Variants in TRIO observed in about 807,000 individuals in gnomAD.
TRIO encodes triple functional domain protein.
TRIO carries 58 observed loss-of-function variants against 351.9 expected under a neutral mutation model. That is an observed-to-expected ratio of 0.16 (90% CI 0.13 to 0.21). The LOEUF (loss-of-function observed/expected upper bound fraction) is 0.21, where lower values mean the gene tolerates loss of function less well. Ranked by LOEUF, TRIO falls within the 10% of genes least tolerant of loss-of-function variation. The probability of loss-of-function intolerance (pLI) is 1.00; values close to 1 mark genes in which losing one functional copy is unlikely to be tolerated. For synonymous variants in TRIO, 1,758 were observed against 1,595.7 expected, an observed-to-expected ratio of 1.10 and a Z score of -2.42; for missense variants, 3,201 against 4,027.8, an observed-to-expected ratio of 0.79 and a Z score of 5.56.
At chr5:14,167,382 T>G (rs1788831648) in intron 1 of TRIO, among the ~76,000 whole-genome samples, 1 of 151,932 alleles carries the variant, frequency 6.6e-6, no homozygotes, top group African/African-American at 2.4e-5. Flanking sequence ...CTCCCCAGCG[T>G]CAAAACTTTA....
intron 1 of TRIO, among the ~76,000 whole-genome samples, chr5:14,201,029 A>G (rs1272376119): frequency 6.6e-6 from 1 of 152,188 alleles, no homozygotes; most frequent in Non-Finnish European, 1.5e-5. Flanking sequence ...AGGCTGAGAC[A>G]GGCAGTTCAC....
chr5:14,489,196 C>G, intron 48 of TRIO: 1 of 583,804 alleles, frequency 1.7e-6, no homozygotes, highest in Non-Finnish European at 3.0e-6. Context: ...GCATGTCTTT[C>G]TCTTTCCTCT....
intron 1 of TRIO, among the ~76,000 whole-genome samples, chr5:14,196,211 C>T (rs1202756728): frequency 6.6e-6 from 1 of 152,030 alleles, no homozygotes; most frequent in Non-Finnish European, 1.5e-5. Flanking sequence ...CACCTGAGAT[C>T]AGGAGTGTGA....
At chr5:14,504,061 G>A (rs907296822) in intron 54 of TRIO, among the ~76,000 whole-genome samples, 3 of 152,350 alleles carry the variant, frequency 2.0e-5, no homozygotes, top group South Asian at 4.1e-4. Context: ...TCTGCTCGTC[G>A]TGGGAAGCAG....
At chr5:14,218,202 C>T (rs1337958421) in intron 1 of TRIO, among the ~76,000 whole-genome samples, 1 of 152,170 alleles carries the variant, frequency 6.6e-6, no homozygotes. Flanking sequence ...AGTTAAGTGG[C>T]ACAGACCTGC....
Position 14,419,774 on chromosome 5 carries a change from C to G in TRIO, c.4960-4C>G, listed in dbSNP as rs759509728. On this transcript the variant is annotated splice_region_variant and splice_polypyrimidine_tract_variant and intron_variant, in intron 33 of 56. Transcript: ENST00000344204. ...CCTGTCCTCTCTTCCTCTGTTCCCC[C>G]CAGCTCTCTGGTGGCTGTGAGCTGA... 3.7e-6 allele frequency: 6 copies of G among 1,614,104 alleles called. No homozygotes were observed. The Admixed American group carries it at 8.3e-5, about 22-fold the overall frequency.
Position 14,452,897 on chromosome 5 carries a change from AC to A in TRIO, c.5204-8121del, listed in dbSNP as rs112425705. On this transcript the variant is annotated intron_variant, in intron 34 of 56. Coordinates refer to ENST00000344204, the MANE Select transcript of TRIO (RefSeq NM_007118.4). ...CCTTTCCCTCCTTTTTTTAAAAAAA[AC>A]TTTTTTTTTAAGGTTTTTATTAATC... Among the ~76,000 whole-genome samples the A allele has an allele frequency of 7.4e-4, 112 of 152,010 alleles. 2 individuals are homozygous for A. Among genetic ancestry groups the A allele is most frequent in the African/African-American group, 2.6e-3 (107 of 41,462 alleles).
At position 14,487,756 on chromosome 5, in the gene TRIO, G is replaced by A; in HGVS notation, c.7128G>A (p.Leu2376=). The A allele has an allele frequency of 7.2e-7, 1 of 1,387,380 alleles. No individual in the cohort carries two copies. The allele number at this position is 1,387,380 out of a possible 1,614,324, so 85.9% of individuals were successfully genotyped here. The change falls in exon 48 of 57, where the codon CTG becomes CTA. Residue 2376 remains leucine (L), a synonymous_variant. Transcript: ENST00000344204. ...MSGTSTPGPS[L]PPPGAAPEAG... ...GTACGTCCACCCCCGGGCCCTCCCT[G>A]CCTCCCCCTGGCGCGGCCCCCGAGG...
At chr5:14,153,573 A>G (rs967732273) in intron 1 of TRIO, among the ~76,000 whole-genome samples, 1 of 152,146 alleles carries the variant, frequency 6.6e-6, no homozygotes, top group African/African-American at 2.4e-5. Context: ...AGTGTTTTAT[A>G]TACTTTTCCT....
At chr5:14,492,166 C>A (rs1756534836) in intron 48 of TRIO, among the ~76,000 whole-genome samples, 1 of 152,126 alleles carries the variant, frequency 6.6e-6, no homozygotes, top group African/African-American at 2.4e-5. Context: ...TCAATTAATT[C>A]TAATACCTTT....
chr5:14,425,430 C>T (rs1239385699), intron 34 of TRIO, among the ~76,000 whole-genome samples: 1 of 152,210 alleles, frequency 6.6e-6, no homozygotes, highest in Non-Finnish European at 1.5e-5. Flanking sequence ...TATGCAGATG[C>T]CACATTGAGT....
intron 1 of TRIO, chr5:14,184,040 G>A: frequency 1.4e-6 from 1 of 690,038 alleles, no homozygotes. Context: ...TCTCTAGGAG[G>A]ACTGTTGATG....
intron 34 of TRIO, among the ~76,000 whole-genome samples, chr5:14,421,401 C>T (rs560611687): frequency 2.6e-5 from 4 of 151,514 alleles, no homozygotes; most frequent in East Asian, 3.9e-4. Context: ...GTCAAAAGTT[C>T]GGACCAGCCT....
At chr5:14,501,237 C>T (rs902420652) in intron 53 of TRIO, among the ~76,000 whole-genome samples, 1 of 152,194 alleles carries the variant, frequency 6.6e-6, no homozygotes, top group East Asian at 1.9e-4. Context: ...AGTACTCCTT[C>T]ACCTGCAAGG....
intron 11 of TRIO, among the ~76,000 whole-genome samples, chr5:14,353,270 C>CTTTT (rs35179690): frequency 4.3e-5 from 5 of 117,318 alleles, no homozygotes; most frequent in African/African-American, 3.5e-5. Context: ...TTCTAAGCAA[C>CTTTT]TTTTTTTTTT....
rs150318091 is a variant in TRIO at position 14,266,262 on chromosome 5, A to G, written c.158-4563A>G. Among the ~76,000 whole-genome samples the G allele has an allele frequency of 6.1e-3, 923 of 152,194 alleles. 13 individuals are homozygous for G. Among genetic ancestry groups the G allele is most frequent in the African/African-American group, 0.021 (893 of 41,542 alleles). ...ATTTTAGTAGAGATGGGGTTTCACC[A>G]TTCTGCCCAGGCTGGCCTCAAACTC... On this transcript the variant is annotated intron_variant, in intron 1 of 56. Coordinates refer to ENST00000344204, the MANE Select transcript of TRIO (RefSeq NM_007118.4).
chr5:14,351,951 T>TC (rs1743173049), intron 11 of TRIO, among the ~76,000 whole-genome samples: 1 of 152,230 alleles, frequency 6.6e-6, no homozygotes, highest in East Asian at 1.9e-4. Context: ...TGGCGGGGTC[T>TC]CCCTTTCCAG....
chr5:14,245,372 A>G (rs972010383), intron 1 of TRIO, among the ~76,000 whole-genome samples: 3 of 152,198 alleles, frequency 2.0e-5, no homozygotes, highest in African/African-American at 7.2e-5. Flanking sequence ...ACGGTTTTCA[A>G]ATGGTTCAGT....
At chr5:14,267,426 G>A (rs936822484) in intron 1 of TRIO, among the ~76,000 whole-genome samples, 2 of 152,128 alleles carry the variant, frequency 1.3e-5, no homozygotes, top group Non-Finnish European at 2.9e-5. Context: ...GGCGGCCACC[G>A]AGGGCAGCCT....
Sources: allele counts gnomAD v4.1 joint callset (sites outside exome capture counted in the v4.1 genomes callset), GRCh38; gene constraint gnomAD v4.1.1; transcripts MANE v1.5; gene names NCBI Gene and HGNC (gene_info 2026-07-23, HGNC 2026-07-21).